Variants in SLC35F3 observed in about 807,000 individuals in gnomAD.
The protein encoded by SLC35F3 is solute carrier family 35 member F3, also known as putative thiamine transporter SLC35F3.
A neutral mutation model predicts 49.9 loss-of-function variants in SLC35F3; 25 were observed. That is an observed-to-expected ratio of 0.50 (90% CI 0.37 to 0.70). The LOEUF is 0.70. SLC35F3 is among the 30% of genes least tolerant of loss of function. The pLI is 0.00. For missense variants in SLC35F3, 525 were observed against 639.8 expected (o/e 0.82, Z 1.94); for synonymous variants, 275 against 265.4 (o/e 1.04, Z -0.35).
intron 3 of SLC35F3, among the ~76,000 whole-genome samples, chr1:234,296,770 G>A (rs147170547): frequency 6.6e-6 from 1 of 152,316 alleles, no homozygotes; most frequent in Non-Finnish European, 1.5e-5. Context: ...TCCTGTGGAG[G>A]AGGCTGTAAA....
intron 2 of SLC35F3, among the ~76,000 whole-genome samples, chr1:234,035,506 T>G (rs968721754): frequency 6.6e-6 from 1 of 152,230 alleles, no homozygotes; most frequent in African/African-American, 2.4e-5. Flanking sequence ...TGTTTCAGTT[T>G]TAGTAAATCT....
intron 2 of SLC35F3, among the ~76,000 whole-genome samples, chr1:234,028,568 C>A (rs1042623202): frequency 6.6e-6 from 1 of 152,116 alleles, no homozygotes; most frequent in African/African-American, 2.4e-5. Context: ...AAGCATAGCT[C>A]CCTGTCCATA....
chr1:234,114,615 G>T (rs1488863372), intron 2 of SLC35F3, among the ~76,000 whole-genome samples: 1 of 152,180 alleles, frequency 6.6e-6, no homozygotes, highest in African/African-American at 2.4e-5. Context: ...TGTTTGCTGA[G>T]AATTGAGATT....
intron 2 of SLC35F3, among the ~76,000 whole-genome samples, chr1:233,999,773 T>C (rs890180204): frequency 3.9e-5 from 6 of 152,160 alleles, no homozygotes; most frequent in Admixed American, 3.3e-4. Context: ...ACAGTGTATT[T>C]ATTTGCATTA....
At chr1:234,218,093 T>C (rs986691037) in intron 2 of SLC35F3, among the ~76,000 whole-genome samples, 4 of 152,202 alleles carry the variant, frequency 2.6e-5, no homozygotes, top group Non-Finnish European at 4.4e-5. Context: ...ATTGATGGCA[T>C]CTGTCATGTC....
chr1:233,935,310 A>G (rs1467987463), intron 2 of SLC35F3, among the ~76,000 whole-genome samples: 1 of 147,230 alleles, frequency 6.8e-6, no homozygotes, highest in Non-Finnish European at 1.5e-5. Flanking sequence ...AAAAGTGGAC[A>G]CACATCTTTT....
chr1:233,964,962 T>C lies in SLC35F3; in HGVS notation c.283+59204T>C, dbSNP rs371521335. On this transcript the variant is annotated intron_variant, in intron 2 of 7. Coordinates refer to ENST00000366618, the MANE Select transcript of SLC35F3 (RefSeq NM_173508.4). ...AATTGATCTACCACCAAGATTCTTA[T>C]AAGTGATGTTTTTCCCAATCCCTGA... 3.3e-5 allele frequency among the ~76,000 whole-genome samples: 5 copies of C among 152,320 alleles called. No homozygotes were observed. The East Asian group carries it at 9.6e-4, about 29-fold the overall frequency.
chr1:234,186,070 G>A (rs947524158), intron 2 of SLC35F3, among the ~76,000 whole-genome samples: 3 of 152,168 alleles, frequency 2.0e-5, no homozygotes, highest in African/African-American at 7.2e-5. Context: ...ATAGAAACAG[G>A]CACCAGGGAA....
At chr1:234,190,240 A>G (rs887032734) in intron 2 of SLC35F3, among the ~76,000 whole-genome samples, 1 of 152,230 alleles carries the variant, frequency 6.6e-6, no homozygotes, top group African/African-American at 2.4e-5. Context: ...TTGAATGTAA[A>G]TGGTCTAAAT....
chr1:234,125,986 G>T (rs1275553509), intron 2 of SLC35F3, among the ~76,000 whole-genome samples: 3 of 152,174 alleles, frequency 2.0e-5, no homozygotes, highest in Non-Finnish European at 4.4e-5. Flanking sequence ...AAGGAGCTCC[G>T]CCGCTCTAGG....
intron 2 of SLC35F3, among the ~76,000 whole-genome samples, chr1:234,186,132 T>C (rs1020144679): frequency 2.0e-5 from 3 of 152,200 alleles, no homozygotes; most frequent in African/African-American, 7.2e-5. Context: ...CTACAGGTGT[T>C]TGGAGTGTGA....
Position 234,231,628 on chromosome 1 carries a change from G to T in SLC35F3, c.495G>T (p.Ala165=). ...LAKLTFRKFD[A]PFTLTWFATN... ...AGCTGACCTTCAGGAAGTTCGACGC[G>T]CCCTTCACCCTCACGTGGTTTGCCA... The change falls in exon 3 of 8, where the codon GCG becomes GCT. Residue 165 remains alanine, a synonymous_variant. Transcript: ENST00000366618. This position sits in a 1 kb window ranked among gnomAD's most constrained non-coding sequence, Gnocchi z 5.4. 1 of 1,614,210 alleles carries T rather than the reference G, an allele frequency of 6.2e-7. No homozygotes were observed.
At chr1:234,003,465 A>G (rs1186925122) in intron 2 of SLC35F3, among the ~76,000 whole-genome samples, 1 of 152,334 alleles carries the variant, frequency 6.6e-6, no homozygotes, top group East Asian at 1.9e-4. Flanking sequence ...TGGGTGAGCC[A>G]TACAAAACAA....
intron 2 of SLC35F3, among the ~76,000 whole-genome samples, chr1:234,183,017 TTTTG>T (rs528367224): frequency 5.1e-5 from 7 of 137,806 alleles, no homozygotes; most frequent in African/African-American, 1.5e-4. Context: ...GCTTAAGACT[TTTTG>T]TTTGTTTGTT....
chr1:234,189,494 A>G (rs1039586228), intron 2 of SLC35F3, among the ~76,000 whole-genome samples: 1 of 151,576 alleles, frequency 6.6e-6, no homozygotes, highest in Non-Finnish European at 1.5e-5. Flanking sequence ...AAGGTTTTGA[A>G]ATAACTCAAT....
intron 2 of SLC35F3, among the ~76,000 whole-genome samples, chr1:233,953,111 A>T (rs1010359562): frequency 6.6e-6 from 1 of 152,212 alleles, no homozygotes; most frequent in Non-Finnish European, 1.5e-5. Flanking sequence ...TCGAAATAGG[A>T]AAAGACTAGA....
chr1:234,123,201 G>A (rs12057956), intron 2 of SLC35F3, among the ~76,000 whole-genome samples: 19,929 of 152,106 alleles, frequency 0.13, 2,462 homozygotes, highest in African/African-American at 0.32. Flanking sequence ...GTTTGGATTT[G>A]CATTTCTCTA....
chr1:233,963,894 G>A (rs941527004), intron 2 of SLC35F3, among the ~76,000 whole-genome samples: 2 of 150,760 alleles, frequency 1.3e-5, no homozygotes, highest in African/African-American at 2.5e-5. Flanking sequence ...GGGTTCTGGA[G>A]CCTAGTTTTT....
At chr1:233,915,564 C>T (rs1661953740) in intron 2 of SLC35F3, among the ~76,000 whole-genome samples, 1 of 151,914 alleles carries the variant, frequency 6.6e-6, no homozygotes, top group African/African-American at 2.4e-5. Context: ...TAAAAAAGTC[C>T]CTTGTTTCTA....
Sources: allele counts gnomAD v4.1 joint callset (sites outside exome capture counted in the v4.1 genomes callset), GRCh38; gene constraint gnomAD v4.1.1; non-coding constraint Gnocchi (gnomAD v3.1); transcripts MANE v1.5; gene names NCBI Gene and HGNC (gene_info 2026-07-23, HGNC 2026-07-21).